RAB38: variants seen among roughly 807,000 people sequenced by gnomAD.
RAB38 encodes the protein RAB38, member RAS oncogene family.
In RAB38, 15 loss-of-function variants were observed where a neutral mutation model predicts 18.4. The ratio of observed to expected loss-of-function variants is 0.82; its 90% CI spans 0.55 to 1.26. RAB38 has a LOEUF of 1.26. Among genes scored for constraint, RAB38 ranks in the 50% most tolerant of loss-of-function variants. The pLI, the probability that RAB38 is intolerant of heterozygous loss-of-function variation, is 0.00. For synonymous variants in RAB38, 101 were observed against 104.4 expected, an observed-to-expected ratio of 0.97 and a Z score of 0.20; for missense variants, 294 against 267.4, an observed-to-expected ratio of 1.10 and a Z score of -0.69.
the RAB38 span, among the ~76,000 whole-genome samples, chr11:87,948,810 T>G: frequency 9.6e-4 from 146 of 151,924 alleles, no homozygotes; most frequent in African/African-American, 3.4e-3. Flanking sequence ...TTATTGAGGA[T>G]TTTTGCATCA....
chr11:88,104,670 T>A, the RAB38 span, among the ~76,000 whole-genome samples: 1 of 152,160 alleles, frequency 6.6e-6, no homozygotes, highest in African/African-American at 2.4e-5. Context: ...AACAGTATTT[T>A]AAATACCAAT....
Position 88,175,371 on chromosome 11 carries a change from T to C in RAB38, c.14A>G (p.His5Arg), listed in dbSNP as rs1014638696. The C allele has an allele frequency of 9.3e-6, 15 of 1,614,020 alleles. No homozygotes were observed. In the Admixed American group the frequency reaches 2.0e-4, roughly 22 times the overall value. ...CAGCAACTTGTACAGGTGCTCCTTG[T>C]GCGGGGCCTGCATCCTGGCGGCCGG... Reference protein sequence around the residue: MQAPHKEHLYKLLVI... With the variant: MQAPRKEHLYKLLVI... The change falls in exon 1 of 3, where the codon CAC becomes CGC. Residue 5 changes from histidine to arginine, a missense_variant. Coordinates refer to ENST00000243662, the MANE Select transcript of RAB38 (RefSeq NM_022337.3).
chr11:87,977,970 AT>A, the RAB38 span, among the ~76,000 whole-genome samples: 1 of 112,832 alleles, frequency 8.9e-6, no homozygotes, highest in Non-Finnish European at 1.7e-5. Flanking sequence ...AATAAGATAT[AT>A]TATATAAATA....
chr11:88,023,072 G>A, the RAB38 span, among the ~76,000 whole-genome samples: 3 of 152,022 alleles, frequency 2.0e-5, no homozygotes, highest in South Asian at 6.2e-4. Flanking sequence ...AACTGAGTGT[G>A]ACAAAATACT....
At chr11:88,123,398 C>A (rs1454686512) in intron 2 of RAB38, among the ~76,000 whole-genome samples, 2 of 152,178 alleles carry the variant, frequency 1.3e-5, no homozygotes, top group South Asian at 4.1e-4. Context: ...TCAGCTTTCA[C>A]TGAAAATAAT....
intron 2 of RAB38, among the ~76,000 whole-genome samples, chr11:88,143,580 A>C (rs1029768931): frequency 6.6e-6 from 1 of 152,268 alleles, no homozygotes; most frequent in Non-Finnish European, 1.5e-5. Flanking sequence ...TAGAACCTAC[A>C]GAAGATTCTT....
At chr11:87,836,668 GT>G in the RAB38 span, among the ~76,000 whole-genome samples, 1 of 152,036 alleles carries the variant, frequency 6.6e-6, no homozygotes, top group South Asian at 2.1e-4. Context: ...TCCTTCACTG[GT>G]TTTCCATGGC....
the RAB38 span, among the ~76,000 whole-genome samples, chr11:87,955,655 AT>A: frequency 2.2e-4 from 34 of 151,676 alleles, no homozygotes; most frequent in African/African-American, 8.2e-4. Context: ...TTTAGCTCTT[AT>A]ATCTATCAAT....
chr11:87,941,082 C>G, the RAB38 span, among the ~76,000 whole-genome samples: 1 of 151,078 alleles, frequency 6.6e-6, no homozygotes, highest in Non-Finnish European at 1.5e-5. Context: ...CAGATTCTTG[C>G]TCTTAAAAGA....
downstream of RAB38, among the ~76,000 whole-genome samples, chr11:88,110,893 C>T (rs1249037801): frequency 1.3e-5 from 2 of 150,738 alleles, no homozygotes; most frequent in Non-Finnish European, 2.9e-5. Flanking sequence ...GTAAATCCAG[C>T]ACTTTGGGAG....
chr11:87,866,275 T>C, the RAB38 span, among the ~76,000 whole-genome samples: 206 of 151,754 alleles, frequency 1.4e-3, no homozygotes, highest in African/African-American at 4.8e-3. Context: ...CAAACAAATA[T>C]CAAGATTTCT....
chr11:87,829,696 T>C, the RAB38 span, among the ~76,000 whole-genome samples: 1 of 152,024 alleles, frequency 6.6e-6, no homozygotes, highest in Non-Finnish European at 1.5e-5. Context: ...GAATCTAAAA[T>C]AAAATACAAG....
chr11:87,935,636 C>A, the RAB38 span, among the ~76,000 whole-genome samples: 3 of 152,006 alleles, frequency 2.0e-5, no homozygotes, highest in South Asian at 4.2e-4. Flanking sequence ...CCAGTGGTAA[C>A]CTCTTGAAAA....
chr11:87,826,967 T>C, the RAB38 span, among the ~76,000 whole-genome samples: 1 of 152,154 alleles, frequency 6.6e-6, no homozygotes, highest in Non-Finnish European at 1.5e-5. Flanking sequence ...CAGGCCTGGT[T>C]TGAGCCTGAC....
the RAB38 span, among the ~76,000 whole-genome samples, chr11:88,019,434 T>C: frequency 4.6e-5 from 7 of 152,224 alleles, no homozygotes; most frequent in African/African-American, 1.4e-4. Context: ...TAAGGCATAA[T>C]GGTTGCCAGG....
the RAB38 span, among the ~76,000 whole-genome samples, chr11:88,031,146 G>A: frequency 6.6e-6 from 1 of 152,044 alleles, no homozygotes; most frequent in African/African-American, 2.4e-5. Flanking sequence ...TATCTCAATA[G>A]ATGCAGAAAA....
chr11:87,955,760 G>C, the RAB38 span, among the ~76,000 whole-genome samples: 1 of 152,018 alleles, frequency 6.6e-6, no homozygotes, highest in Non-Finnish European at 1.5e-5. Flanking sequence ...ATCCGAAAGT[G>C]AATATTTTCT....
the RAB38 span, chr11:87,880,107 G>A: frequency 2.0e-5 from 3 of 151,628 alleles, no homozygotes; most frequent in Non-Finnish European, 4.4e-5. Context: ...AGATTATTTT[G>A]CTTCCTATCC....
At chr11:88,072,841 G>A in the RAB38 span, among the ~76,000 whole-genome samples, 2 of 152,166 alleles carry the variant, frequency 1.3e-5, no homozygotes, top group African/African-American at 4.8e-5. Context: ...AAATGCTGGT[G>A]TAGAATCTAG....
Sources: gnomAD v4.1 joint callset for allele counts (sites outside exome capture counted in the v4.1 genomes callset) on GRCh38, gnomAD v4.1.1 for gene constraint, MANE v1.5 for transcripts, NCBI Gene and HGNC (gene_info 2026-07-23, HGNC 2026-07-21) for gene names.